Variants in FCER1A observed in about 807,000 individuals in gnomAD.
FCER1A encodes Fc epsilon receptor Ia, also known as high affinity immunoglobulin epsilon receptor subunit alpha.
A neutral mutation model predicts 23.6 loss-of-function variants in FCER1A; 24 were observed. The observed-to-expected ratio is 1.02, with a 90% confidence interval of 0.74 to 1.43. FCER1A has a LOEUF of 1.43. Among genes scored for constraint, FCER1A ranks in the 40% most tolerant of loss-of-function variants. The probability of loss-of-function intolerance (pLI) is 0.00; values close to 1 mark genes in which losing one functional copy is unlikely to be tolerated. For missense variants in FCER1A, 318 were observed against 294.5 expected, an observed-to-expected ratio of 1.08 and a Z score of -0.58; for synonymous variants, 121 against 108.8, an observed-to-expected ratio of 1.11 and a Z score of -0.70.
At chr1:159,285,317 C>T (rs1017058650), upstream of FCER1A, among the ~76,000 whole-genome samples, 1 of 152,202 alleles carries the variant, frequency 6.6e-6, no homozygotes, top group Non-Finnish European at 1.5e-5. Context: ...CTCATTTACA[C>T]ATTAAAAAGC....
At chr1:159,290,177 C>G (rs1375393820) in intron 1 of FCER1A, among the ~76,000 whole-genome samples, 1 of 152,102 alleles carries the variant, frequency 6.6e-6, no homozygotes, top group East Asian at 1.9e-4. Context: ...TCATTGCAGG[C>G]CGCCCACTCC....
At position 159,303,561 on chromosome 1, in the gene FCER1A, A is replaced by G. The variant is rs548111551; in HGVS notation, c.77-367A>G. ...ATTCACATAATAAATATTTAATGTA[A>G]CAATGGTTGAACATGGCAGACAGTG... On this transcript the variant is annotated intron_variant, in intron 2 of 4. Coordinates refer to ENST00000693622, the MANE Select transcript of FCER1A (RefSeq NM_001387280.1). Among the ~76,000 whole-genome samples, 11 of 152,364 alleles carry G rather than the reference A, an allele frequency of 7.2e-5. No homozygotes were observed. The East Asian group carries it at 1.7e-3, about 24-fold the overall frequency.
At chr1:159,288,572 G>A (rs1000020538), upstream of FCER1A, among the ~76,000 whole-genome samples, 1 of 152,154 alleles carries the variant, frequency 6.6e-6, no homozygotes, top group Non-Finnish European at 1.5e-5. Flanking sequence ...TGGTAATTCA[G>A]TTAACCTGGG....
At chr1:159,293,276 G>A (rs1358999356) in intron 1 of FCER1A, among the ~76,000 whole-genome samples, 1 of 151,316 alleles carries the variant, frequency 6.6e-6, no homozygotes, top group Non-Finnish European at 1.5e-5. Flanking sequence ...ACTTTTTCAT[G>A]TTCTTCCAGG....
At chr1:159,284,567 G>C in the FCER1A span, among the ~76,000 whole-genome samples, 1 of 152,138 alleles carries the variant, frequency 6.6e-6, no homozygotes. Context: ...CAAACATAAT[G>C]CTTGTTCATT....
chr1:159,285,037 T>G (rs1651982020), upstream of FCER1A, among the ~76,000 whole-genome samples: 1 of 152,174 alleles, frequency 6.6e-6, no homozygotes, highest in Non-Finnish European at 1.5e-5. Context: ...TTCTCAACAG[T>G]GGTGCTGTTG....
rs1469535143 is a variant in FCER1A at position 159,308,044 on chromosome 1, T to G, written c.*112T>G. 2.9e-6 allele frequency: 2 copies of G among 700,972 alleles called. No homozygotes were observed. The highest frequency in any genetic ancestry group is 4.5e-6 in the Non-Finnish European group (2 of 443,356). The allele number at this position is 700,972 out of a possible 1,614,324, so 43.4% of individuals were successfully genotyped here. ...ACATAGAAACGTCTGTGCTCAAGGA[T>G]TTATAGAAATGCTTCATTAAACTGA... On this transcript the variant is annotated 3_prime_UTR_variant, in exon 5 of 5. Transcript: ENST00000693622.
At chr1:159,285,739 T>C (rs989861751), upstream of FCER1A, among the ~76,000 whole-genome samples, 9 of 152,258 alleles carry the variant, frequency 5.9e-5, no homozygotes, top group Admixed American at 1.3e-4. Context: ...TATTGTTTTT[T>C]GAAATTCAAA....
At chr1:159,294,126 G>T (rs919031073) in intron 1 of FCER1A, among the ~76,000 whole-genome samples, 11 of 152,196 alleles carry the variant, frequency 7.2e-5, no homozygotes, top group Non-Finnish European at 4.4e-5. Context: ...TGGTAGGATG[G>T]TAAACTAGTT....
upstream of FCER1A, among the ~76,000 whole-genome samples, chr1:159,298,742 TAACATACC>T (rs1423027564): frequency 1.2e-4 from 19 of 152,332 alleles, no homozygotes; most frequent in South Asian, 2.9e-3. Flanking sequence ...TATACATAGC[TAACATACC>T]AACAGTACCA....
At chr1:159,299,313 C>T (rs1652371451), upstream of FCER1A, among the ~76,000 whole-genome samples, 3 of 152,148 alleles carry the variant, frequency 2.0e-5, no homozygotes, top group Admixed American at 2.0e-4. Context: ...GAGAAGGAAG[C>T]CAGCAGATTG....
rs1215345622 is a variant in FCER1A at position 159,306,177 on chromosome 1, A to T, written c.521A>T (p.Tyr174Phe). 2 of 1,613,834 alleles carry T rather than the reference A, an allele frequency of 1.2e-6. No homozygotes were observed. The highest frequency in any genetic ancestry group is 1.1e-5 in the South Asian group (1 of 91,070). The change falls in exon 4 of 5, where the codon TAC (tyrosine) becomes TTC (phenylalanine). Residue 174 changes from tyrosine (Y) to phenylalanine (F), a missense_variant. Coordinates refer to ENST00000693622, the MANE Select transcript of FCER1A (RefSeq NM_001387280.1). ...TNATVEDSGT[Y>F]YCTGKVWQLD... Reference sequence around the variant, plus strand: ...GCCACAGTTGAAGACAGTGGAACCTACTACTGTACGGGCAAAGTGTGGCAG... The same window carrying T: ...GCCACAGTTGAAGACAGTGGAACCTTCTACTGTACGGGCAAAGTGTGGCAG...
intron 2 of FCER1A, among the ~76,000 whole-genome samples, chr1:159,303,577 GCAGA>G (rs1652502566): frequency 1.3e-5 from 2 of 152,120 alleles, no homozygotes; most frequent in Non-Finnish European, 2.9e-5. Flanking sequence ...GTTGAACATG[GCAGA>G]CAGTGTTTCT....
chr1:159,304,254 G>A (rs1275000460), intron 3 of FCER1A, 72 bp downstream of exon 3: 1 of 1,483,870 alleles, frequency 6.7e-7, no homozygotes, highest in Non-Finnish European at 9.3e-7. Context: ...GGAAAAAACA[G>A]GTTATTCCAA....
At chr1:159,297,828 C>T (rs61828227), upstream of FCER1A, among the ~76,000 whole-genome samples, 19,292 of 152,012 alleles carry the variant, frequency 0.13, 1,562 homozygotes, top group Admixed American at 0.17. Context: ...ATCACTTGAG[C>T]CTGGCAGTCC....
At chr1:159,291,321 T>C (rs1652147583) in intron 1 of FCER1A, among the ~76,000 whole-genome samples, 1 of 152,216 alleles carries the variant, frequency 6.6e-6, no homozygotes, top group Admixed American at 6.5e-5. Flanking sequence ...CTGTTAATTT[T>C]ATTTATTACA....
intron 4 of FCER1A, 76 bp from the exon 5 acceptor site, chr1:159,307,672 A>G: frequency 9.3e-7 from 1 of 1,076,232 alleles, no homozygotes; most frequent in Admixed American, 2.0e-5. Context: ...TCTCTTAGGG[A>G]GGATGAAACT....
At chr1:159,302,973 G>A (rs147014787) in intron 2 of FCER1A, 99 bp downstream of exon 2, 1 of 1,173,920 alleles carries the variant, frequency 8.5e-7, no homozygotes, top group East Asian at 2.3e-5. Context: ...TTTCTAATGA[G>A]CATGAATCTG....
intron 2 of FCER1A, among the ~76,000 whole-genome samples, chr1:159,303,715 C>T (rs933618654): frequency 6.6e-6 from 1 of 152,160 alleles, no homozygotes; most frequent in South Asian, 2.1e-4. Flanking sequence ...GCATATGTGT[C>T]CTGTCTTTCT....
Sources: gnomAD v4.1 joint callset for allele counts (sites outside exome capture counted in the v4.1 genomes callset) on GRCh38, gnomAD v4.1.1 for gene constraint, MANE v1.5 for transcripts, NCBI Gene and HGNC (gene_info 2026-07-23, HGNC 2026-07-21) for gene names.